SLC33A1: variants seen among roughly 807,000 people sequenced by gnomAD.
SLC33A1 encodes solute carrier family 33 member 1.
Under a neutral mutation model 50.0 loss-of-function variants are expected in SLC33A1, and 20 were observed. The observed-to-expected ratio is 0.40, with a 90% CI of 0.28 to 0.58. The LOEUF (loss-of-function observed/expected upper bound fraction) is 0.58. Among genes scored for constraint, SLC33A1 ranks in the 20% least tolerant of loss-of-function variants. The pLI, the probability that SLC33A1 is intolerant of heterozygous loss-of-function variation, is 0.44. For synonymous variants in SLC33A1, 265 were observed against 251.8 expected, an observed-to-expected ratio of 1.05 and a Z score of -0.50; for missense variants, 476 against 657.0, an observed-to-expected ratio of 0.72 and a Z score of 3.01.
intron 1 of SLC33A1, among the ~76,000 whole-genome samples, chr3:155,846,234 T>C (rs1049367650): frequency 2.0e-5 from 3 of 152,222 alleles, no homozygotes; most frequent in Non-Finnish European, 2.9e-5. Context: ...CTACTTTATA[T>C]ACAAGGAAAC....
At chr3:155,829,971 A>G in intron 4 of SLC33A1, 68 bp from the exon 5 acceptor site, 2 of 1,006,496 alleles carry the variant, frequency 2.0e-6, no homozygotes, top group Non-Finnish European at 3.1e-6. Context: ...TAAATTAAGA[A>G]CATCAAAGTC....
chr3:155,829,786 A>T lies in SLC33A1; in HGVS notation c.1384T>A (p.Trp462Arg), dbSNP rs1436003180. Residue 462 changes from tryptophan (W) to arginine (R), a missense_variant, in exon 5 of 6, where the codon TGG becomes AGG. Transcript: ENST00000643144. ...AGCCAAAGAGCTACTGTAGAAGGCC[A>T]GTTTCCTCCCAGATTGGACACGGTA... Reference protein sequence around the residue: ...LNTVSNLGGNWPSTVALWLVD... With the variant: ...LNTVSNLGGNRPSTVALWLVD... 6.2e-7 allele frequency: 1 copy of T among 1,613,896 alleles called. No individual in the cohort carries two copies. The highest frequency in any genetic ancestry group is 8.5e-7 in the Non-Finnish European group (1 of 1,179,898).
Position 155,826,458 on chromosome 3 carries a change from G to C in SLC33A1, c.*1752C>G, listed in dbSNP as rs1482533899. ...ATAATATACACGGGAAGAAATAAAA[G>C]GTTATTATGGCAATCTGAGTTTCTT... On this transcript the variant is annotated 3_prime_UTR_variant, in exon 6 of 6. Coordinates refer to ENST00000643144, the MANE Select transcript of SLC33A1 (RefSeq NM_004733.4). The C allele has an allele frequency of 6.6e-6, 1 of 151,556 alleles. No homozygotes were observed. Among genetic ancestry groups the C allele is most frequent in the East Asian group, 1.9e-4 (1 of 5,186 alleles). 9.4% of individuals were successfully genotyped at this position (151,556 alleles called of 1,614,324 possible).
chr3:155,851,204 G>A (rs1168333332), intron 1 of SLC33A1, among the ~76,000 whole-genome samples: 1 of 151,964 alleles, frequency 6.6e-6, no homozygotes. Context: ...TCCTGCCACT[G>A]CACTCCAGTC....
At chr3:155,832,340 T>C (rs908386912) in intron 4 of SLC33A1, among the ~76,000 whole-genome samples, 4 of 151,742 alleles carry the variant, frequency 2.6e-5, no homozygotes, top group Admixed American at 6.6e-5. Context: ...ATCGTGCCAT[T>C]GCACTCCAGC....
chr3:155,838,373 C>A (rs1343266334), intron 2 of SLC33A1, among the ~76,000 whole-genome samples: 6 of 151,456 alleles, frequency 4.0e-5, no homozygotes, highest in African/African-American at 1.5e-4. Flanking sequence ...CCCATCTCTA[C>A]AGAAAATGTA....
Position 155,827,657 on chromosome 3 carries a change from G to C in SLC33A1, c.*553C>G, listed in dbSNP as rs1282744549. ...AACACAGATTCATTTGTACAATGTG[G>C]TCATAAGAAAAATAACTAAAATGAC... On this transcript the variant is annotated 3_prime_UTR_variant, in exon 6 of 6. Transcript: ENST00000643144. 1 of 152,588 alleles carries C rather than the reference G, an allele frequency of 6.6e-6. No homozygotes were observed. The highest frequency in any genetic ancestry group is 1.9e-4 in the East Asian group (1 of 5,204). 9.5% of individuals were successfully genotyped at this position (152,588 alleles called of 1,614,324 possible).
intron 2 of SLC33A1, among the ~76,000 whole-genome samples, chr3:155,838,627 G>A (rs1221982864): frequency 6.7e-6 from 1 of 148,650 alleles, no homozygotes; most frequent in Non-Finnish European, 1.5e-5. Context: ...GTTGCAGTGA[G>A]CAGAGATCCC....
intron 1 of SLC33A1, among the ~76,000 whole-genome samples, chr3:155,850,969 C>T (rs943330231): frequency 4.0e-5 from 6 of 151,096 alleles, no homozygotes; most frequent in East Asian, 2.0e-4. Context: ...TTTGGCTGGG[C>T]GCAGTGGCTT....
intron 1 of SLC33A1, among the ~76,000 whole-genome samples, chr3:155,845,950 T>C (rs1379246935): frequency 6.6e-6 from 1 of 152,232 alleles, no homozygotes; most frequent in African/African-American, 2.4e-5. Flanking sequence ...ACATGGTATA[T>C]AAATGTATGA....
chr3:155,834,308 TC>T (rs1752568384), intron 2 of SLC33A1, among the ~76,000 whole-genome samples: 1 of 152,142 alleles, frequency 6.6e-6, no homozygotes, highest in Admixed American at 6.6e-5. Context: ...AATTTCCACT[TC>T]AAAAAGTCCA....
chr3:155,829,643 A>G, intron 5 of SLC33A1, 45 bp downstream of exon 5: 1 of 1,303,866 alleles, frequency 7.7e-7, no homozygotes, highest in Non-Finnish European at 1.1e-6. Context: ...AGATATTAAT[A>G]TCTTAGTATT....
Position 155,854,128 on chromosome 3 carries a change from A to G in SLC33A1, c.-131T>C, listed in dbSNP as rs1753531772. On this transcript the variant is annotated 5_prime_UTR_variant, in exon 1 of 6. Coordinates refer to ENST00000643144, the MANE Select transcript of SLC33A1 (RefSeq NM_004733.4). ...TTCACGGGATGGTGGCAGGGCTCAGAGCGATAAGGGCACTTCTTACTGCAG... is the reference window on the plus strand; with the variant it reads ...TTCACGGGATGGTGGCAGGGCTCAGGGCGATAAGGGCACTTCTTACTGCAG... 1.5e-6 allele frequency: 1 copy of G among 686,754 alleles called. No homozygotes were observed. The highest frequency in any genetic ancestry group is 2.3e-6 in the Non-Finnish European group (1 of 427,048). The allele number at this position is 686,754 out of a possible 1,614,324, so 42.5% of individuals were successfully genotyped here.
intron 3 of SLC33A1, 74 bp from the exon 4 acceptor site, chr3:155,833,659 GTGCC>G: frequency 9.9e-7 from 1 of 1,013,282 alleles, no homozygotes; most frequent in South Asian, 1.3e-5. Context: ...AGAAATCCGT[GTGCC>G]TACCATATGA....
intron 4 of SLC33A1, among the ~76,000 whole-genome samples, 187 bp from the exon 5 acceptor site, chr3:155,830,090 G>A (rs116716174): frequency 0.025 from 3,739 of 152,144 alleles, 67 homozygotes; most frequent in Middle Eastern, 0.051. Context: ...CAGGCCGGGC[G>A]CGGTGGCTCA....
chr3:155,853,722 C>A lies in SLC33A1; in HGVS notation c.276G>T (p.Ala92=). Residue 92 remains alanine (A), a synonymous_variant, in exon 1 of 6, where the codon GCG becomes GCT. Coordinates refer to ENST00000643144, the MANE Select transcript of SLC33A1 (RefSeq NM_004733.4). The part of the protein sequence containing the change: ...YVLQGIPLGL[A]GSIPLILQSK... ...TTTGCAAAATGAGTGGGATGCTTCCCGCCAAGCCCAGGGGAATACCCTGAA... is the reference window on the plus strand; with the variant it reads ...TTTGCAAAATGAGTGGGATGCTTCCAGCCAAGCCCAGGGGAATACCCTGAA... The A allele has an allele frequency of 6.2e-7, 1 of 1,614,118 alleles. No homozygotes were observed. The highest frequency in any genetic ancestry group is 8.5e-7 in the Non-Finnish European group (1 of 1,180,026).
At chr3:155,843,741 A>T (rs1474168923) in intron 1 of SLC33A1, among the ~76,000 whole-genome samples, 2 of 152,208 alleles carry the variant, frequency 1.3e-5, no homozygotes, top group Non-Finnish European at 2.9e-5. Context: ...GGCTTAGGGA[A>T]GTCAAGCTGT....
At chr3:155,836,787 G>A (rs1752698862) in intron 2 of SLC33A1, among the ~76,000 whole-genome samples, 1 of 151,614 alleles carries the variant, frequency 6.6e-6, no homozygotes, top group African/African-American at 2.4e-5. Flanking sequence ...CTGTACTTGG[G>A]TGACTGAGGT....
At chr3:155,852,015 T>C (rs1446748169) in intron 1 of SLC33A1, among the ~76,000 whole-genome samples, 1 of 152,158 alleles carries the variant, frequency 6.6e-6, no homozygotes, top group East Asian at 1.9e-4. Context: ...AGAAGTTCAG[T>C]TGCTTAAATT....
Sources: gnomAD v4.1 joint callset for allele counts (sites outside exome capture counted in the v4.1 genomes callset) on GRCh38, gnomAD v4.1.1 for gene constraint, MANE v1.5 for transcripts, NCBI Gene and HGNC (gene_info 2026-07-23, HGNC 2026-07-21) for gene names.